Variants in PPARGC1A observed in about 807,000 individuals in gnomAD.
PPARGC1A encodes peroxisome proliferator-activated receptor gamma coactivator 1-alpha.
In PPARGC1A, 25 loss-of-function variants were observed where a neutral mutation model predicts 88.7. That is an observed-to-expected ratio of 0.28 (90% CI 0.21 to 0.39). The LOEUF (loss-of-function observed/expected upper bound fraction) is 0.39. Ranked by LOEUF, PPARGC1A falls within the 10% of genes least tolerant of loss-of-function variation. PPARGC1A has a pLI of 1.00. For synonymous variants in PPARGC1A, 363 were observed against 355.6 expected, an observed-to-expected ratio of 1.02 and a Z score of -0.24; for missense variants, 880 against 968.7, an observed-to-expected ratio of 0.91 and a Z score of 1.22.
At chr4:24,233,483 AAAAGCTTG>A in the PPARGC1A span, among the ~76,000 whole-genome samples, 1 of 152,128 alleles carries the variant, frequency 6.6e-6, no homozygotes, top group African/African-American at 2.4e-5. Context: ...GTGGCAGAGA[AAAAGCTTG>A]AATAGAGAAC....
the PPARGC1A span, among the ~76,000 whole-genome samples, chr4:23,987,164 T>C: frequency 1.3e-5 from 2 of 152,008 alleles, no homozygotes; most frequent in Non-Finnish European, 2.9e-5. Context: ...AGGCACAGAA[T>C]TGCAAAATCG....
At chr4:24,352,542 G>A in the PPARGC1A span, among the ~76,000 whole-genome samples, 10 of 152,290 alleles carry the variant, frequency 6.6e-5, no homozygotes, top group Admixed American at 2.0e-4. Flanking sequence ...AACTGGCCAC[G>A]GGGACTTTAA....
At chr4:24,193,561 T>C in the PPARGC1A span, among the ~76,000 whole-genome samples, 5 of 152,138 alleles carry the variant, frequency 3.3e-5, no homozygotes, top group East Asian at 1.9e-4. Context: ...TGAAAGACAC[T>C]TTCCTGAAAA....
the PPARGC1A span, among the ~76,000 whole-genome samples, chr4:24,205,318 C>T: frequency 6.6e-6 from 1 of 152,098 alleles, no homozygotes; most frequent in Non-Finnish European, 1.5e-5. Flanking sequence ...TCCCTTAGAA[C>T]ATAATAAGAG....
the PPARGC1A span, among the ~76,000 whole-genome samples, chr4:24,298,523 A>G: frequency 2.0e-5 from 3 of 152,180 alleles, no homozygotes; most frequent in African/African-American, 7.2e-5. Flanking sequence ...TGATATATGC[A>G]TTCTCCATTG....
chr4:24,203,158 G>A, the PPARGC1A span, among the ~76,000 whole-genome samples: 2 of 152,220 alleles, frequency 1.3e-5, no homozygotes, highest in Non-Finnish European at 2.9e-5. Flanking sequence ...AAGGTGAGGA[G>A]TGTGAGGAAG....
At chr4:24,416,549 G>A in the PPARGC1A span, among the ~76,000 whole-genome samples, 2 of 152,172 alleles carry the variant, frequency 1.3e-5, no homozygotes, top group South Asian at 2.1e-4. Flanking sequence ...GAGACTAGGC[G>A]AAGGGATCAG....
chr4:24,048,369 C>T, the PPARGC1A span, among the ~76,000 whole-genome samples: 11 of 152,130 alleles, frequency 7.2e-5, no homozygotes, highest in Admixed American at 3.3e-4. Context: ...CTCTATCCTC[C>T]GCAGCTCCAC....
At chr4:24,347,934 TC>T in the PPARGC1A span, among the ~76,000 whole-genome samples, 2 of 152,228 alleles carry the variant, frequency 1.3e-5, no homozygotes, top group African/African-American at 4.8e-5. Context: ...TTGATGTGTT[TC>T]CAGGATTTGT....
At chr4:23,919,637 A>G in the PPARGC1A span, among the ~76,000 whole-genome samples, 3 of 152,020 alleles carry the variant, frequency 2.0e-5, no homozygotes, top group Admixed American at 6.6e-5. Flanking sequence ...CAATAAATGA[A>G]TGGTGATTCT....
chr4:23,807,461 T>C (rs1481155356), intron 10 of PPARGC1A, among the ~76,000 whole-genome samples: 1 of 152,172 alleles, frequency 6.6e-6, no homozygotes, highest in Admixed American at 6.5e-5. Context: ...TCCAGGTTAG[T>C]CTATTTAAAA....
At chr4:24,458,384 C>A in the PPARGC1A span, among the ~76,000 whole-genome samples, 1 of 152,204 alleles carries the variant, frequency 6.6e-6, no homozygotes, top group South Asian at 2.1e-4. Flanking sequence ...GCCTGTAGTC[C>A]CAGCTACTTG....
the PPARGC1A span, among the ~76,000 whole-genome samples, chr4:24,363,668 G>A: frequency 1.3e-5 from 2 of 152,072 alleles, no homozygotes; most frequent in Non-Finnish European, 2.9e-5. Flanking sequence ...GCCCACAGAA[G>A]GAATCAGTTT....
the PPARGC1A span, among the ~76,000 whole-genome samples, chr4:24,251,941 CTG>C: frequency 1.2e-5 from 1 of 83,668 alleles, no homozygotes; most frequent in Non-Finnish European, 2.3e-5. Context: ...TTACATTTGT[CTG>C]TCTTTTATTA....
the PPARGC1A span, among the ~76,000 whole-genome samples, chr4:24,171,642 G>T: frequency 6.6e-6 from 1 of 152,054 alleles, no homozygotes; most frequent in East Asian, 1.9e-4. Context: ...TAAATTCACA[G>T]ATGAATGAAT....
the PPARGC1A span, among the ~76,000 whole-genome samples, chr4:24,323,736 A>G: frequency 1.3e-5 from 2 of 152,168 alleles, no homozygotes; most frequent in African/African-American, 4.8e-5. Context: ...CGTGACTCGG[A>G]TCGGGGGACC....
chr4:24,280,347 TC>T, the PPARGC1A span, among the ~76,000 whole-genome samples: 1 of 152,118 alleles, frequency 6.6e-6, no homozygotes, highest in South Asian at 2.1e-4. Flanking sequence ...GAAACCAACT[TC>T]CCAGGAAGCA....
intron 1 of PPARGC1A, chr4:23,889,407 T>G: frequency 1.0e-6 from 1 of 979,038 alleles, no homozygotes; most frequent in Non-Finnish European, 1.2e-6. Context: ...CAGGATTATT[T>G]AGGATTTTGT....
At chr4:24,416,143 C>T in the PPARGC1A span, among the ~76,000 whole-genome samples, 1 of 152,218 alleles carries the variant, frequency 6.6e-6, no homozygotes, top group Admixed American at 6.5e-5. Flanking sequence ...AAGAAAGGCT[C>T]AGAGCCAGTT....
Sources: gnomAD v4.1 joint callset for allele counts (sites outside exome capture counted in the v4.1 genomes callset) on GRCh38, gnomAD v4.1.1 for gene constraint, MANE v1.5 for transcripts, NCBI Gene and HGNC (gene_info 2026-07-23, HGNC 2026-07-21) for gene names.